Variants in LRGUK observed in about 807,000 individuals in gnomAD.
LRGUK encodes the protein leucine rich repeats and guanylate kinase domain containing, also known as leucine-rich repeat and guanylate kinase domain-containing protein.
A neutral mutation model predicts 76.0 loss-of-function variants in LRGUK; 65 were observed. The observed-to-expected ratio is 0.85, with a 90% CI of 0.70 to 1.05. The LOEUF (loss-of-function observed/expected upper bound fraction) is 1.05. Among genes scored for constraint, LRGUK ranks in the 50% least tolerant of loss-of-function variants. LRGUK has a pLI of 0.00. For synonymous variants in LRGUK, 268 were observed against 265.6 expected, an observed-to-expected ratio of 1.01 and a Z score of -0.09; for missense variants, 758 against 732.8, an observed-to-expected ratio of 1.03 and a Z score of -0.40.
intron 16 of LRGUK, among the ~76,000 whole-genome samples, chr7:134,237,475 C>T (rs185765981): frequency 7.9e-5 from 12 of 152,262 alleles, no homozygotes; most frequent in Admixed American, 2.0e-4. Context: ...ATACCACCCA[C>T]CGCATTTTTT....
intron 11 of LRGUK, among the ~76,000 whole-genome samples, chr7:134,186,467 C>T (rs1241670283): frequency 6.6e-6 from 1 of 152,204 alleles, no homozygotes; most frequent in African/African-American, 2.4e-5. Flanking sequence ...TATGTCCAGA[C>T]ACTTAATATG....
At chr7:134,237,050 C>CTTTTTT (rs10555261) in intron 16 of LRGUK, among the ~76,000 whole-genome samples, 35 of 75,114 alleles carry the variant, frequency 4.7e-4, no homozygotes, top group African/African-American at 6.3e-4. Flanking sequence ...TTTTCTCTTT[C>CTTTTTT]TTTTTTTTTT....
chr7:134,263,282 A>G (rs1802782713), intron 19 of LRGUK, among the ~76,000 whole-genome samples: 1 of 128,184 alleles, frequency 7.8e-6, no homozygotes, highest in South Asian at 2.9e-4. Flanking sequence ...TCTATCTTCT[A>G]AACTCCTCCT....
rs1324331429 is a variant in LRGUK, at chr7:134,258,412, G to A, written c.2347+7G>A. The A allele has an allele frequency of 1.9e-6, 3 of 1,613,042 alleles. No homozygotes were observed. The highest frequency in any genetic ancestry group is 2.7e-5 in the African/African-American group (2 of 74,854). ...ACCGAAGAGACCCGGAAAGGTATGA[G>A]TTAGGCCAAGCGCGGTGGCTCATGC... On this transcript the variant is annotated splice_region_variant and intron_variant, in intron 19 of 19. Transcript: ENST00000285928.
intron 10 of LRGUK, among the ~76,000 whole-genome samples, chr7:134,182,402 A>G (rs1245290072): frequency 1.3e-5 from 2 of 152,142 alleles, no homozygotes; most frequent in Non-Finnish European, 2.9e-5. Context: ...ACTTGCTCTC[A>G]GATCTGTCAG....
At chr7:134,238,383 A>G (rs1038270320) in intron 16 of LRGUK, among the ~76,000 whole-genome samples, 7 of 152,030 alleles carry the variant, frequency 4.6e-5, no homozygotes, top group Non-Finnish European at 7.4e-5. Context: ...AGTCTTCTTT[A>G]TCTTAAATAT....
At chr7:134,178,934 A>AAAAAAAAAACAAAACC (rs1554464246) in intron 10 of LRGUK, among the ~76,000 whole-genome samples, 1 of 78,164 alleles carries the variant, frequency 1.3e-5, no homozygotes, top group South Asian at 6.1e-4. Flanking sequence ...CTCAAAAAAA[A>AAAAAAAAAACAAAACC]AAAAAAAAAA....
intron 7 of LRGUK, among the ~76,000 whole-genome samples, chr7:134,168,455 G>T (rs1799091325): frequency 6.6e-6 from 1 of 152,182 alleles, no homozygotes; most frequent in Non-Finnish European, 1.5e-5. Context: ...TCTATCAAAT[G>T]CTTGGTTGAT....
At chr7:134,241,286 G>A (rs748887168) in intron 16 of LRGUK, among the ~76,000 whole-genome samples, 53 of 152,266 alleles carry the variant, frequency 3.5e-4, no homozygotes, top group African/African-American at 7.7e-4. Context: ...AGACCCATCC[G>A]TGTGCTGTAT....
chr7:134,275,163 T>C, the LRGUK span, among the ~76,000 whole-genome samples: 3 of 152,176 alleles, frequency 2.0e-5, no homozygotes, highest in Non-Finnish European at 2.9e-5. Flanking sequence ...CCCACAATTA[T>C]AAGTTTAATT....
chr7:134,191,519 T>G (rs986381722), intron 11 of LRGUK, 136 bp from the exon 12 acceptor site: 4 of 662,786 alleles, frequency 6.0e-6, no homozygotes, highest in African/African-American at 1.9e-5. Flanking sequence ...AACCAACATA[T>G]TCTTACAACT....
At chr7:134,186,611 G>A (rs1271534467) in intron 11 of LRGUK, among the ~76,000 whole-genome samples, 2 of 152,220 alleles carry the variant, frequency 1.3e-5, no homozygotes, top group East Asian at 3.8e-4. Flanking sequence ...AACCTCCACT[G>A]ATGGAGCTAT....
intron 1 of LRGUK, 67 bp downstream of exon 1, chr7:134,127,731 TC>T: frequency 6.7e-7 from 1 of 1,501,894 alleles, no homozygotes; most frequent in Non-Finnish European, 8.9e-7. Context: ...CAGCGGCAGC[TC>T]CCCGATGCAC....
chr7:134,235,816 G>T (rs2117182941), intron 16 of LRGUK, among the ~76,000 whole-genome samples: 1 of 152,132 alleles, frequency 6.6e-6, no homozygotes, highest in East Asian at 1.9e-4. Context: ...TTTCTTATCT[G>T]TAGAGATAAT....
chr7:134,208,079 C>T (rs111374774), intron 15 of LRGUK, among the ~76,000 whole-genome samples: 4,705 of 152,198 alleles, frequency 0.031, 215 homozygotes, highest in African/African-American at 0.097. Flanking sequence ...GATGTGAGTG[C>T]GGGAATAGCA....
Position 134,221,163 on chromosome 7 carries a change from A to T in LRGUK, c.1844-616A>T, listed in dbSNP as rs185009103. On this transcript the variant is annotated intron_variant, in intron 15 of 19. Transcript: ENST00000285928. ...TCATATTGACTGAAGGTACATGTGG[A>T]TATCATTTATTTTAGCATTTTAAAA... 1.2e-4 allele frequency among the ~76,000 whole-genome samples: 18 copies of T among 152,194 alleles called. No homozygotes were observed. In the East Asian group the frequency reaches 2.9e-3, roughly 25 times the overall value.
chr7:134,215,269 G>A (rs1801406851), intron 15 of LRGUK, among the ~76,000 whole-genome samples: 1 of 151,330 alleles, frequency 6.6e-6, no homozygotes, highest in Non-Finnish European at 1.5e-5. Context: ...AGACAACTCT[G>A]ATATTTTCTA....
At chr7:134,238,939 T>A (rs927896162) in intron 16 of LRGUK, among the ~76,000 whole-genome samples, 3 of 152,214 alleles carry the variant, frequency 2.0e-5, no homozygotes, top group African/African-American at 7.2e-5. Context: ...AGGCCTTCTC[T>A]TTCTTTTGTT....
chr7:134,221,905 A>C, exon 16 of LRGUK: 1 of 1,595,068 alleles, frequency 6.3e-7, no homozygotes, highest in Non-Finnish European at 8.5e-7. Context: ...CTTTCAGCCA[A>C]AAAAACACCA....
Sources: allele counts gnomAD v4.1 joint callset (sites outside exome capture counted in the v4.1 genomes callset), GRCh38; gene constraint gnomAD v4.1.1; transcripts MANE v1.5; gene names NCBI Gene and HGNC (gene_info 2026-07-23, HGNC 2026-07-21).